Variants in STXBP5L observed in about 807,000 individuals in gnomAD.
The protein encoded by STXBP5L is syntaxin binding protein 5L.
A neutral mutation model predicts 144.5 loss-of-function variants in STXBP5L; 65 were observed. The ratio of observed to expected loss-of-function variants is 0.45; its 90% CI spans 0.37 to 0.55. The LOEUF (loss-of-function observed/expected upper bound fraction) is 0.55. STXBP5L is among the 20% of genes least tolerant of loss of function. The pLI, the probability that STXBP5L is intolerant of heterozygous loss-of-function variation, is 0.00. For missense variants in STXBP5L, 1,298 were observed against 1,405.5 expected, an observed-to-expected ratio of 0.92 and a Z score of 1.22; for synonymous variants, 505 against 469.6, an observed-to-expected ratio of 1.08 and a Z score of -0.97.
chr3:121,288,602 G>A lies in STXBP5L; in HGVS notation c.2110+8646G>A, dbSNP rs563907100. 2.0e-5 allele frequency among the ~76,000 whole-genome samples: 3 copies of A among 152,194 alleles called. No individual in the cohort carries two copies. The South Asian group carries it at 6.2e-4, about 32-fold the overall frequency. ...TTTTTCTAATGATTGGAGGTGTTGA[G>A]CATTTTTTCATATGCTTGTTGGAAT... On this transcript the variant is annotated intron_variant, in intron 19 of 26. Transcript: ENST00000471454.
chr3:121,317,546 C>A (rs1316680971), intron 19 of STXBP5L, among the ~76,000 whole-genome samples: 2 of 152,032 alleles, frequency 1.3e-5, no homozygotes, highest in Non-Finnish European at 2.9e-5. Flanking sequence ...TTATTTTGGT[C>A]ATTGAAAATA....
intron 10 of STXBP5L, among the ~76,000 whole-genome samples, chr3:121,210,491 A>G (rs138435803): frequency 0.034 from 5,239 of 152,268 alleles, 332 homozygotes; most frequent in Admixed American, 0.17. Context: ...TGTTTTAGAC[A>G]TGAAGTCCTT....
intron 3 of STXBP5L, among the ~76,000 whole-genome samples, chr3:121,010,095 C>A (rs773987658): frequency 2.0e-5 from 3 of 151,868 alleles, no homozygotes; most frequent in African/African-American, 7.2e-5. Context: ...TGATTCATAT[C>A]ATTTTTGGAG....
chr3:121,342,840 A>G (rs2044774310), intron 20 of STXBP5L, among the ~76,000 whole-genome samples: 1 of 148,298 alleles, frequency 6.7e-6, no homozygotes, highest in Non-Finnish European at 1.5e-5. Flanking sequence ...AGCATGATTT[A>G]TAGTCCTTTG....
At chr3:121,143,876 T>C (rs2045608532) in intron 7 of STXBP5L, among the ~76,000 whole-genome samples, 1 of 151,674 alleles carries the variant, frequency 6.6e-6, no homozygotes, top group Non-Finnish European at 1.5e-5. Context: ...AACTCTGAAA[T>C]ATGTAGAAAA....
At chr3:121,289,990 C>A (rs551247311) in intron 19 of STXBP5L, among the ~76,000 whole-genome samples, 1 of 151,976 alleles carries the variant, frequency 6.6e-6, no homozygotes, top group East Asian at 1.9e-4. Context: ...TAAGGTCACA[C>A]CTCAAGGAAC....
At chr3:121,087,887 G>C (rs1404943222) in intron 5 of STXBP5L, among the ~76,000 whole-genome samples, 1 of 151,908 alleles carries the variant, frequency 6.6e-6, no homozygotes, top group Non-Finnish European at 1.5e-5. Flanking sequence ...ACAACTTACT[G>C]GAATCTACTG....
rs1469537113 is a variant in STXBP5L at position 121,423,779 on chromosome 3, G to A, written c.*4682G>A. The A allele has an allele frequency of 6.6e-6, 1 of 152,202 alleles. No individual in the cohort carries two copies. The highest frequency in any genetic ancestry group is 1.5e-5 in the Non-Finnish European group (1 of 68,042). The allele number at this position is 152,202 out of a possible 1,614,324, so 9.4% of individuals were successfully genotyped here. ...TTTGTCTGCCTTGGCTGGTGCTCCA[G>A]CCCCAGTTCTGAGTGGTCAGGGAAG... On this transcript the variant is annotated 3_prime_UTR_variant, in exon 27 of 27. Coordinates refer to ENST00000471454, the MANE Select transcript of STXBP5L (RefSeq NM_001308330.2).
intron 5 of STXBP5L, among the ~76,000 whole-genome samples, chr3:121,076,291 G>A (rs1231880661): frequency 3.3e-5 from 5 of 152,304 alleles, no homozygotes; most frequent in Middle Eastern, 3.4e-3. Flanking sequence ...CTGAGCCTCT[G>A]TAGGCAGCTG....
At chr3:120,984,818 A>G (rs1275570333) in intron 3 of STXBP5L, among the ~76,000 whole-genome samples, 3 of 151,736 alleles carry the variant, frequency 2.0e-5, no homozygotes, top group Admixed American at 2.0e-4. Context: ...TATAGCCTTT[A>G]TCGTGTTGAG....
At chr3:121,357,937 A>G (rs2045582133) in intron 20 of STXBP5L, 1 of 152,208 alleles carries the variant, frequency 6.6e-6, no homozygotes, top group South Asian at 2.1e-4. Context: ...GAAAAGCAAT[A>G]TTTTAAAATC....
chr3:121,350,692 C>T (rs954615662), intron 20 of STXBP5L, among the ~76,000 whole-genome samples: 5 of 151,946 alleles, frequency 3.3e-5, no homozygotes, highest in Non-Finnish European at 5.9e-5. Context: ...CTTCTCTTCT[C>T]ACTTCATTTC....
chr3:121,047,148 C>T (rs1947573813), intron 5 of STXBP5L, among the ~76,000 whole-genome samples: 1 of 151,904 alleles, frequency 6.6e-6, no homozygotes, highest in East Asian at 1.9e-4. Context: ...AATTTCCATC[C>T]AATTGTATGG....
intron 10 of STXBP5L, among the ~76,000 whole-genome samples, chr3:121,219,426 T>C (rs1248529518): frequency 6.6e-6 from 1 of 152,058 alleles, no homozygotes; most frequent in Non-Finnish European, 1.5e-5. Context: ...AGGTAGCACA[T>C]GTAAGGGATG....
intron 11 of STXBP5L, among the ~76,000 whole-genome samples, chr3:121,231,386 C>T (rs1034693896): frequency 6.6e-6 from 1 of 152,190 alleles, no homozygotes; most frequent in Non-Finnish European, 1.5e-5. Flanking sequence ...ATTCCCAACA[C>T]CTTTTCTACT....
chr3:121,016,894 T>C (rs1179805638), intron 3 of STXBP5L, among the ~76,000 whole-genome samples: 2 of 152,210 alleles, frequency 1.3e-5, no homozygotes, highest in Non-Finnish European at 2.9e-5. Context: ...TGTAATCTCT[T>C]CTAGAAAATA....
rs535060060 is a variant in STXBP5L, at chr3:121,084,780, C to T, written c.471-30145C>T. 2.0e-5 allele frequency among the ~76,000 whole-genome samples: 3 copies of T among 152,226 alleles called. No individual in the cohort carries two copies. The South Asian group carries it at 6.2e-4, about 32-fold the overall frequency. The stretch of plus-strand genomic sequence containing the variant: ...TGGTCCTAGATCTTTGAGGAATCAC[C>T]ATACTGTCTTCCACTCTTTAAAATG... On this transcript the variant is annotated intron_variant, in intron 5 of 26. Transcript: ENST00000471454.
At chr3:121,302,538 TC>T (rs2051960944) in intron 19 of STXBP5L, among the ~76,000 whole-genome samples, 1 of 152,216 alleles carries the variant, frequency 6.6e-6, no homozygotes, top group South Asian at 2.1e-4. Flanking sequence ...TATGTCTCTA[TC>T]TCTTTCAGTT....
intron 5 of STXBP5L, among the ~76,000 whole-genome samples, chr3:121,071,252 C>A (rs2041799970): frequency 6.6e-6 from 1 of 152,236 alleles, no homozygotes; most frequent in Non-Finnish European, 1.5e-5. Context: ...GCAAAATAAT[C>A]AGTACAAGTA....
Sources: allele counts gnomAD v4.1 joint callset (sites outside exome capture counted in the v4.1 genomes callset), GRCh38; gene constraint gnomAD v4.1.1; transcripts MANE v1.5; gene names NCBI Gene and HGNC (gene_info 2026-07-23, HGNC 2026-07-21).